The following RAPGEF2 variants were observed in gnomAD, a reference collection of about 807,000 sequenced individuals.
RAPGEF2 encodes PDZ domain containing guanine nucleotide exchange factor (GEF) 1.
RAPGEF2 carries 54 observed loss-of-function variants against 186.7 expected under a neutral mutation model. The ratio of observed to expected loss-of-function variants is 0.29; its 90% confidence interval spans 0.23 to 0.36. The LOEUF (loss-of-function observed/expected upper bound fraction) is 0.36. RAPGEF2 is among the 10% of genes least tolerant of loss of function. The pLI is 1.00. For synonymous variants in RAPGEF2, 712 were observed against 705.9 expected (o/e 1.01, Z -0.14); for missense variants, 1,532 against 2,045.0 (o/e 0.75, Z 4.84).
chr4:159,286,620 T>C lies in RAPGEF2; in HGVS notation c.544-17722T>C, dbSNP rs535956221. ...GTTCTTCTTACCTCTCATTGGACTTTTCTCCATCTTACCCACTCTGCTTCC... is the reference window on the plus strand; with the variant it reads ...GTTCTTCTTACCTCTCATTGGACTTCTCTCCATCTTACCCACTCTGCTTCC... On this transcript the variant is annotated intron_variant, in intron 7 of 29. Transcript: ENST00000691494. 5.9e-5 allele frequency among the ~76,000 whole-genome samples: 9 copies of C among 152,282 alleles called. No individual in the cohort carries two copies. The South Asian group carries it at 1.9e-3, about 32-fold the overall frequency.
At chr4:159,338,544 ATC>A (rs77716000) in intron 18 of RAPGEF2, 76 bp downstream of exon 18, 43 of 1,363,684 alleles carry the variant, frequency 3.2e-5, no homozygotes, top group Non-Finnish European at 4.1e-5. Flanking sequence ...TATTATATGT[ATC>A]TCTCTTCATT....
At chr4:159,268,156 A>G (rs1255331498) in intron 7 of RAPGEF2, 1 of 1,613,216 alleles carries the variant, frequency 6.2e-7, no homozygotes, top group Non-Finnish European at 8.5e-7. Context: ...TTTCTTCATT[A>G]TGAAACCACT....
chr4:159,180,899 T>A (rs1579390040), intron 1 of RAPGEF2, among the ~76,000 whole-genome samples: 2 of 152,204 alleles, frequency 1.3e-5, no homozygotes, highest in African/African-American at 4.8e-5. Context: ...GTCAGTGAAT[T>A]ATAGGTGATA....
At chr4:159,320,317 A>G (rs1356857489) in intron 9 of RAPGEF2, among the ~76,000 whole-genome samples, 3 of 152,164 alleles carry the variant, frequency 2.0e-5, no homozygotes, top group Non-Finnish European at 4.4e-5. Context: ...ATCTCTTGCA[A>G]TGGTGTTCAG....
intron 1 of RAPGEF2, among the ~76,000 whole-genome samples, chr4:159,137,709 CAA>C (rs35501594): frequency 9.0e-5 from 11 of 122,210 alleles, no homozygotes; most frequent in Non-Finnish European, 1.2e-4. Flanking sequence ...AAAATAAATG[CAA>C]AAAAAAAAAA....
intron 1 of RAPGEF2, among the ~76,000 whole-genome samples, chr4:159,147,244 CA>C (rs1743044982): frequency 6.6e-6 from 1 of 151,670 alleles, no homozygotes; most frequent in Non-Finnish European, 1.5e-5. Flanking sequence ...TTTTACAACT[CA>C]AAAAAGCAAA....
chr4:159,195,843 G>A (rs1046157527), intron 3 of RAPGEF2, among the ~76,000 whole-genome samples: 2 of 144,138 alleles, frequency 1.4e-5, no homozygotes, highest in African/African-American at 5.1e-5. Context: ...TATTTAAATC[G>A]AAGGTAGATT....
chr4:159,355,878 G>GCCCGCCCCC lies in RAPGEF2; in HGVS notation c.4680_4681insGCCCCCCCC (p.Pro1560_Pro1561insAlaProPro). 6.6e-7 allele frequency: 1 copy of GCCCGCCCCC among 1,515,860 alleles called. No homozygotes were observed. The highest frequency in any genetic ancestry group is 8.9e-7 in the Non-Finnish European group (1 of 1,117,994). 93.9% of individuals were successfully genotyped at this position (1,515,860 alleles called of 1,614,324 possible). ...CACGAAAGGAGGGCAGGTATCGAGA[G>GCCCGCCCCC]CCCCCGCCCACCCCTCCCGGCTACA... On this transcript the variant is annotated inframe_insertion, in exon 29 of 30. Coordinates refer to ENST00000691494, the MANE Select transcript of RAPGEF2 (RefSeq NM_001394067.2).
intron 9 of RAPGEF2, among the ~76,000 whole-genome samples, chr4:159,321,612 G>T (rs1765241648): frequency 6.6e-6 from 1 of 152,154 alleles, no homozygotes; most frequent in Non-Finnish European, 1.5e-5. Flanking sequence ...AGTAAGGAAA[G>T]AACTTAGTGT....
At chr4:159,297,277 C>T (rs1412315255) in intron 7 of RAPGEF2, among the ~76,000 whole-genome samples, 1 of 152,158 alleles carries the variant, frequency 6.6e-6, no homozygotes, top group East Asian at 1.9e-4. Context: ...AGTGGTGTTT[C>T]TGTTCAGACT....
rs575128615 is a variant in RAPGEF2, at chr4:159,305,289, A to G, written c.675+816A>G. 5.3e-4 allele frequency among the ~76,000 whole-genome samples: 81 copies of G among 152,290 alleles called. 1 individual carries two copies. The South Asian group carries it at 0.016, about 31-fold the overall frequency. ...TCATCAAGAGATTGTACTAGTTTAC[A>G]TTCCCACCAGCTGCATATAAGTGTT... On this transcript the variant is annotated intron_variant, in intron 8 of 29. Transcript: ENST00000691494.
chr4:159,313,335 GT>G (rs1764170603), intron 8 of RAPGEF2, among the ~76,000 whole-genome samples: 2 of 152,152 alleles, frequency 1.3e-5, no homozygotes, highest in Non-Finnish European at 2.9e-5. Context: ...TGATTCCACA[GT>G]TTATCAGCAG....
At chr4:159,192,610 C>G (rs1748232296) in intron 2 of RAPGEF2, among the ~76,000 whole-genome samples, 1 of 152,026 alleles carries the variant, frequency 6.6e-6, no homozygotes, top group South Asian at 2.1e-4. Context: ...AAAAATTATT[C>G]ATGTTTTTCA....
Position 159,323,488 on chromosome 4 carries a change from A to G in RAPGEF2, c.1020A>G (p.Gly340=), listed in dbSNP as rs777616585. 4 of 1,610,494 alleles carry G rather than the reference A, an allele frequency of 2.5e-6. No individual in the cohort carries two copies. The Admixed American group carries it at 5.0e-5, about 20-fold the overall frequency. ...ELDSWSVILN[G]SVEVTYPDGK... is the part of the protein sequence containing the mutation. ...ACTCCTGGTCAGTGATTCTCAATGG[A>G]TCTGTGGAAGTGACTTATCCAGATG... The change falls in exon 11 of 30, where the codon GGA becomes GGG. Residue 340 remains glycine, a synonymous_variant. Transcript: ENST00000691494.
chr4:159,157,316 C>T (rs929133335), intron 1 of RAPGEF2, among the ~76,000 whole-genome samples: 9 of 151,886 alleles, frequency 5.9e-5, no homozygotes, highest in Non-Finnish European at 8.8e-5. Flanking sequence ...AAAATGCTGG[C>T]CTAGGGTGTA....
At chr4:159,288,043 C>A (rs1055553867) in intron 7 of RAPGEF2, among the ~76,000 whole-genome samples, 1 of 152,102 alleles carries the variant, frequency 6.6e-6, no homozygotes, top group African/African-American at 2.4e-5. Flanking sequence ...TATGTCTGTT[C>A]CACACTTGTG....
chr4:159,355,896 C>CCCCCCCCAAA lies in RAPGEF2; in HGVS notation c.4695_4696insCCCCCCCAAA (p.Gly1566ProfsTer12). 6 of 1,555,596 alleles carry CCCCCCCCAAA rather than the reference C, an allele frequency of 3.9e-6. No individual in the cohort carries two copies. The highest frequency in any genetic ancestry group is 5.2e-6 in the Non-Finnish European group (6 of 1,149,152). Reference sequence around the variant, plus strand: ...ATCGAGAGCCCCCGCCCACCCCTCCCGGCTACATTGGAATTCCCATTACTG... The same window carrying CCCCCCCCAAA: ...ATCGAGAGCCCCCGCCCACCCCTCCCCCCCCCCAAAGGCTACATTGGAATTCCCATTACTG... On this transcript the variant is annotated frameshift_variant, in exon 29 of 30. Coordinates refer to ENST00000691494, the MANE Select transcript of RAPGEF2 (RefSeq NM_001394067.2). LOFTEE classifies it high-confidence loss of function.
In RAPGEF2 at chr4:159,192,078, A is replaced by G. The variant is rs183752868; in HGVS notation, c.141-1122A>G. Among the ~76,000 whole-genome samples the G allele has an allele frequency of 3.8e-3, 586 of 152,342 alleles. 2 individuals carry two copies. Among genetic ancestry groups the G allele is most frequent in the Middle Eastern group, 0.01 (3 of 294 alleles). ...GGAAACAAGGCAGAGCCCATTATCT[A>G]GTTTAAGACCAGATATTTTTAGACT... On this transcript the variant is annotated intron_variant, in intron 2 of 29. Coordinates refer to ENST00000691494, the MANE Select transcript of RAPGEF2 (RefSeq NM_001394067.2).
chr4:159,353,785 C>T lies in RAPGEF2; in HGVS notation c.4390C>T (p.His1464Tyr), dbSNP rs61758816. The change falls in exon 28 of 30, where the codon CAT becomes TAT. Residue 1464 changes from histidine to tyrosine, a missense_variant. His to Tyr is a moderately conservative substitution (Grantham distance 83, BLOSUM62 2). This residue lies in a region of RAPGEF2 where 594 missense variants were observed against 608.5 expected (regional missense o/e 0.98). Coordinates refer to ENST00000691494, the MANE Select transcript of RAPGEF2 (RefSeq NM_001394067.2). This position sits in a 1 kb window ranked among gnomAD's most constrained non-coding sequence, Gnocchi z 4.3. ...SHMDQIMFSDHSTKYNRQNQS... is the reference protein window; with the variant it reads ...SHMDQIMFSDYSTKYNRQNQS... ...TATGGACCAAATTATGTTTTCTGAT[C>T]ATAGCACAAAGTATAACAGGCAAAA... is the stretch of plus-strand genomic sequence containing the variant. The T allele has an allele frequency of 4.0e-4, 652 of 1,614,034 alleles. 1 individual carries two copies. Among genetic ancestry groups the T allele is most frequent in the Non-Finnish European group, 5.2e-4 (616 of 1,180,024 alleles).
Sources: gnomAD v4.1 joint callset for allele counts (sites outside exome capture counted in the v4.1 genomes callset) on GRCh38, gnomAD v4.1.1 for gene constraint, gnomAD v4.1.1 regional missense constraint, Gnocchi (gnomAD v3.1) non-coding constraint, MANE v1.5 for transcripts, NCBI Gene and HGNC (gene_info 2026-07-23, HGNC 2026-07-21) for gene names.